Variants in IL1RAPL1 observed in about 807,000 individuals in gnomAD.
IL1RAPL1 encodes the protein interleukin-1 receptor accessory protein-like 1.
IL1RAPL1 carries 3 observed loss-of-function variants against 48.4 expected under a neutral mutation model. The observed-to-expected ratio is 0.06, with a 90% CI of 0.03 to 0.16. The LOEUF (loss-of-function observed/expected upper bound fraction) is 0.16, where lower values mean the gene tolerates loss of function less well. Among genes scored for constraint, IL1RAPL1 ranks in the 10% least tolerant of loss-of-function variants. The pLI, the probability that IL1RAPL1 is intolerant of heterozygous loss-of-function variation, is 1.00. For missense variants in IL1RAPL1, 349 were observed against 530.6 expected (o/e 0.66, Z 3.36); for synonymous variants, 185 against 187.7 (o/e 0.99, Z 0.12).
rs1420090601 is a variant in IL1RAPL1 at position 29,614,414 on chromosome X, C to T, written c.704-54016C>T. Among the ~76,000 whole-genome samples the T allele has an allele frequency of 3.6e-5, 4 of 112,042 alleles. No individual in the cohort carries two copies. In the East Asian group the frequency reaches 1.1e-3, roughly 31 times the overall value. The stretch of plus-strand genomic sequence containing the variant: ...AAAGTAGTTTCTATTAAAAGTTATT[C>T]GTCTAAAATGATTTCTGTTTTATAG... On this transcript the variant is annotated intron_variant, in intron 5 of 10. Transcript: ENST00000378993.
chrX:29,319,542 G>T (rs181518534), intron 3 of IL1RAPL1, among the ~76,000 whole-genome samples: 1 of 80,666 alleles, frequency 1.2e-5, no homozygotes, highest in Non-Finnish European at 2.5e-5. Context: ...ATGTATGTAT[G>T]TATGTATGTA....
intron 1 of IL1RAPL1, among the ~76,000 whole-genome samples, chrX:28,672,538 T>C (rs1934957928): frequency 9.0e-6 from 1 of 111,542 alleles, no homozygotes; most frequent in African/African-American, 3.3e-5. Flanking sequence ...CCTGCCTTAC[T>C]TTCTGTCCAG....
At chrX:29,488,815 G>A (rs896897945) in intron 5 of IL1RAPL1, among the ~76,000 whole-genome samples, 21 of 112,256 alleles carry the variant, frequency 1.9e-4, no homozygotes, top group Non-Finnish European at 3.8e-4. Flanking sequence ...ATTTGCAGGG[G>A]CAAAAAGGAG....
chrX:29,544,287 G>T (rs1226633185), intron 5 of IL1RAPL1, among the ~76,000 whole-genome samples: 1 of 112,093 alleles, frequency 8.9e-6, no homozygotes, highest in East Asian at 2.8e-4. Context: ...TACTGAATTT[G>T]CAGTATATAT....
chrX:29,953,072 C>G (rs935215752), intron 9 of IL1RAPL1, among the ~76,000 whole-genome samples: 1 of 111,869 alleles, frequency 8.9e-6, no homozygotes, highest in African/African-American at 3.2e-5. Flanking sequence ...CCCAAAGCCA[C>G]CCAGAACAAT....
intron 6 of IL1RAPL1, among the ~76,000 whole-genome samples, chrX:29,897,310 A>T (rs1569197037): frequency 1.8e-5 from 2 of 109,421 alleles, no homozygotes; most frequent in Non-Finnish European, 1.9e-5. Context: ...GTTTCTATTT[A>T]TTTTTTTTTC....
intron 2 of IL1RAPL1, among the ~76,000 whole-genome samples, chrX:29,157,778 T>C (rs1237277244): frequency 9.0e-6 from 1 of 111,520 alleles, no homozygotes; most frequent in Non-Finnish European, 1.9e-5. Context: ...ATAGTTAAGA[T>C]TATATGAGAT....
chrX:29,882,403 T>C (rs1047620003), intron 6 of IL1RAPL1, among the ~76,000 whole-genome samples: 1 of 111,791 alleles, frequency 8.9e-6, no homozygotes, highest in Non-Finnish European at 1.9e-5. Flanking sequence ...ATTTAATTGC[T>C]CTCAGTTTCA....
chrX:28,904,752 C>A (rs1923173468), intron 2 of IL1RAPL1, among the ~76,000 whole-genome samples: 1 of 110,851 alleles, frequency 9.0e-6, no homozygotes, highest in Non-Finnish European at 1.9e-5. Flanking sequence ...AGATTTAAAC[C>A]CAATGAGTTA....
At chrX:29,592,930 T>A (rs1923425676) in intron 5 of IL1RAPL1, among the ~76,000 whole-genome samples, 1 of 112,168 alleles carries the variant, frequency 8.9e-6, no homozygotes, top group Non-Finnish European at 1.9e-5. Flanking sequence ...TCTGAATCTC[T>A]GGTTTAACCA....
At chrX:28,834,075 T>G (rs2147288181) in intron 2 of IL1RAPL1, among the ~76,000 whole-genome samples, 1 of 111,839 alleles carries the variant, frequency 8.9e-6, no homozygotes, top group Admixed American at 9.5e-5. Context: ...TTAATAAATG[T>G]ATGCATATGT....
intron 2 of IL1RAPL1, among the ~76,000 whole-genome samples, chrX:29,141,582 A>G (rs1929244646): frequency 8.9e-6 from 1 of 112,088 alleles, no homozygotes; most frequent in Admixed American, 9.5e-5. Context: ...ATAAAATTTC[A>G]AAGGGGAAAA....
chrX:28,698,536 T>C (rs922700723), intron 1 of IL1RAPL1, among the ~76,000 whole-genome samples: 11 of 111,685 alleles, frequency 9.8e-5, no homozygotes, highest in Non-Finnish European at 1.7e-4. Flanking sequence ...ATGATTCATT[T>C]TAGTGCTTTT....
intron 2 of IL1RAPL1, among the ~76,000 whole-genome samples, chrX:29,217,625 G>T (rs993115460): frequency 9.9e-5 from 11 of 111,543 alleles, no homozygotes; most frequent in Admixed American, 1.9e-4. Flanking sequence ...TCTTTGCAGT[G>T]AAATATTACA....
chrX:29,915,045 T>G (rs376596051), intron 6 of IL1RAPL1, among the ~76,000 whole-genome samples: 1 of 108,764 alleles, frequency 9.2e-6, no homozygotes, highest in Non-Finnish European at 1.9e-5. Flanking sequence ...CCTGTAATCC[T>G]AGCACTTTGG....
At chrX:28,927,077 G>A (rs1456602266) in intron 2 of IL1RAPL1, among the ~76,000 whole-genome samples, 1 of 110,597 alleles carries the variant, frequency 9.0e-6, no homozygotes, top group Non-Finnish European at 1.9e-5. Flanking sequence ...AAATTTTTTT[G>A]CAGAGACAGG....
intron 6 of IL1RAPL1, among the ~76,000 whole-genome samples, chrX:29,725,260 T>A (rs1480567815): frequency 9.0e-6 from 1 of 111,183 alleles, no homozygotes; most frequent in Admixed American, 9.7e-5. Flanking sequence ...TAGGGCACAA[T>A]CTCTCATAAA....
intron 2 of IL1RAPL1, among the ~76,000 whole-genome samples, chrX:29,116,697 C>G (rs749987635): frequency 1.8e-5 from 2 of 111,404 alleles, no homozygotes; most frequent in African/African-American, 6.5e-5. Context: ...GAAGTTAAGA[C>G]TGGGGAAATA....
intron 1 of IL1RAPL1, among the ~76,000 whole-genome samples, chrX:28,661,610 G>T (rs896704110): frequency 9.1e-6 from 1 of 110,466 alleles, no homozygotes; most frequent in Non-Finnish European, 1.9e-5. Context: ...TTTAAAAATG[G>T]TATTAACTCT....
Sources: gnomAD v4.1 joint callset for allele counts (sites outside exome capture counted in the v4.1 genomes callset) on GRCh38, gnomAD v4.1.1 for gene constraint, MANE v1.5 for transcripts, NCBI Gene and HGNC (gene_info 2026-07-23, HGNC 2026-07-21) for gene names.